TGFBR3: variants seen among roughly 807,000 people sequenced by gnomAD.
TGFBR3 encodes transforming growth factor beta receptor type 3.
TGFBR3 carries 46 observed loss-of-function variants against 87.9 expected under a neutral mutation model. The ratio of observed to expected loss-of-function variants is 0.52; its 90% CI spans 0.41 to 0.67. The LOEUF (loss-of-function observed/expected upper bound fraction) is 0.67, where lower values mean the gene tolerates loss of function less well. TGFBR3 is among the 30% of genes least tolerant of loss of function. The pLI is 0.00. For synonymous variants in TGFBR3, 381 were observed against 391.6 expected (o/e 0.97, Z 0.32); for missense variants, 866 against 1,041.9 (o/e 0.83, Z 2.32).
At chr1:91,718,000 T>C (rs556433453) in intron 10 of TGFBR3, among the ~76,000 whole-genome samples, 1 of 152,182 alleles carries the variant, frequency 6.6e-6, no homozygotes, top group East Asian at 1.9e-4. Context: ...ATTATATCTG[T>C]AGACACTGGA....
At chr1:91,754,900 C>T (rs1179414366) in intron 4 of TGFBR3, 6 of 151,920 alleles carry the variant, frequency 3.9e-5, no homozygotes, top group Admixed American at 3.9e-4. Context: ...TAAAAAAAAA[C>T]AGTTAAAAGT....
At chr1:91,891,723 C>T (rs1679455530) in intron 2 of TGFBR3, among the ~76,000 whole-genome samples, 1 of 152,138 alleles carries the variant, frequency 6.6e-6, no homozygotes, top group Admixed American at 6.6e-5. Flanking sequence ...TGACAGGATG[C>T]TGATCTACAA....
At chr1:91,758,587 A>G in intron 4 of TGFBR3, 26 bp downstream of exon 4, 1 of 1,613,672 alleles carries the variant, frequency 6.2e-7, no homozygotes, top group Non-Finnish European at 8.5e-7. Context: ...GCTAAGGATC[A>G]GTTTGGGGGA....
chr1:91,698,237 T>A, intron 14 of TGFBR3, 107 bp from the exon 15 acceptor site: 1 of 945,394 alleles, frequency 1.1e-6, no homozygotes, highest in Non-Finnish European at 1.7e-6. Context: ...TGGTAATAAA[T>A]ACTGTGAGAA....
At chr1:91,693,772 C>T (rs536352072) in intron 16 of TGFBR3, among the ~76,000 whole-genome samples, 1 of 152,334 alleles carries the variant, frequency 6.6e-6, no homozygotes, top group Admixed American at 6.5e-5. Context: ...ACAGCCAACA[C>T]AGGCTGCCAA....
chr1:91,693,422 C>T (rs1376403644), intron 16 of TGFBR3, among the ~76,000 whole-genome samples: 2 of 152,204 alleles, frequency 1.3e-5, no homozygotes, highest in East Asian at 3.8e-4. Flanking sequence ...TTGAAAGGCC[C>T]TCCTGAAGTC....
At chr1:91,885,626 G>C (rs1176639952) in intron 1 of TGFBR3, among the ~76,000 whole-genome samples, 1 of 152,202 alleles carries the variant, frequency 6.6e-6, no homozygotes, top group East Asian at 1.9e-4. Context: ...CCAGCACTGC[G>C]CATCGCCGGG....
chr1:91,817,045 T>C (rs1676258769), intron 2 of TGFBR3, among the ~76,000 whole-genome samples: 1 of 152,172 alleles, frequency 6.6e-6, no homozygotes, highest in African/African-American at 2.4e-5. Context: ...ATTACTGGCA[T>C]AGCTAAGAAT....
chr1:91,896,039 C>G (rs957162928), intron 2 of TGFBR3, among the ~76,000 whole-genome samples: 1 of 152,154 alleles, frequency 6.6e-6, no homozygotes, highest in Admixed American at 6.5e-5. Flanking sequence ...GTTCTGGTTT[C>G]CTTGCTTCCT....
intron 2 of TGFBR3, among the ~76,000 whole-genome samples, chr1:91,826,691 A>C (rs1041207742): frequency 4.0e-5 from 6 of 151,072 alleles, no homozygotes; most frequent in Admixed American, 6.6e-5. Flanking sequence ...CAGACAAAAC[A>C]ACCTAAGTAT....
intron 16 of TGFBR3, among the ~76,000 whole-genome samples, chr1:91,693,225 T>C (rs1671324343): frequency 6.6e-6 from 1 of 152,220 alleles, no homozygotes; most frequent in Non-Finnish European, 1.5e-5. Flanking sequence ...CAGTTTTTAA[T>C]AAAAAGTAAT....
chr1:91,719,746 G>C lies in TGFBR3; in HGVS notation c.1413+147C>G. The C allele has an allele frequency of 6.4e-6, 6 of 941,904 alleles. No homozygotes were observed. The South Asian group carries it at 8.5e-5, about 13-fold the overall frequency. 58.3% of individuals were successfully genotyped at this position (941,904 alleles called of 1,614,324 possible). A position where few individuals can be genotyped will look rare whatever the true frequency, so the allele number is the denominator to read the frequency against. ...GGAACCAGGTGAGAATCACAGCCAA[G>C]GGGAAGTAGGCCCATCCAACTGAGA... On this transcript the variant is annotated intron_variant, in intron 9 of 16. Transcript: ENST00000212355.
At position 91,720,033 on chromosome 1, in the gene TGFBR3, T is replaced by C. The variant is rs958832058; in HGVS notation, c.1273A>G (p.Lys425Glu). The part of the protein sequence containing the change: ...EEGEDGLPRP[K>E]DPVIPSIQLF... ...TGTATGCTGGGAATGACAGGGTCCTTTGGCCGAGGGAGCCCATCTTCTCCC... is the reference window on the plus strand; with the variant it reads ...TGTATGCTGGGAATGACAGGGTCCTCTGGCCGAGGGAGCCCATCTTCTCCC... Residue 425 changes from lysine to glutamate, a missense_variant, in exon 9 of 17, where the codon AAG becomes GAG. Transcript: ENST00000212355. The C allele has an allele frequency of 2.5e-6, 4 of 1,614,060 alleles. No homozygotes were observed. The highest frequency in any genetic ancestry group is 3.4e-6 in the Non-Finnish European group (4 of 1,180,026).
chr1:91,716,845 C>A, intron 10 of TGFBR3, 137 bp from the exon 11 acceptor site: 1 of 1,110,364 alleles, frequency 9.0e-7, no homozygotes, highest in Non-Finnish European at 1.4e-6. Flanking sequence ...AATAAAATAA[C>A]ATCCAGGCTT....
intron 2 of TGFBR3, among the ~76,000 whole-genome samples, chr1:91,847,302 T>C (rs1323325273): frequency 1.3e-5 from 2 of 152,020 alleles, no homozygotes; most frequent in African/African-American, 2.4e-5. Context: ...GACTGGAGTG[T>C]GATTATAAGA....
At chr1:91,684,789 T>TA (rs1671035724) in intron 16 of TGFBR3, among the ~76,000 whole-genome samples, 2 of 152,074 alleles carry the variant, frequency 1.3e-5, no homozygotes, top group African/African-American at 4.8e-5. Context: ...GGCTCTCCAA[T>TA]AAAAAACACT....
chr1:91,848,525 T>C (rs768493931), intron 2 of TGFBR3, among the ~76,000 whole-genome samples: 10 of 152,222 alleles, frequency 6.6e-5, no homozygotes, highest in Non-Finnish European at 1.3e-4. Context: ...AATATCCTTA[T>C]TATAAAATAT....
At chr1:91,684,766 G>A (rs897896512) in intron 16 of TGFBR3, among the ~76,000 whole-genome samples, 1 of 152,180 alleles carries the variant, frequency 6.6e-6, no homozygotes, top group Non-Finnish European at 1.5e-5. Context: ...TCTAGGTAGG[G>A]AAAAGCGATC....
intron 1 of TGFBR3, among the ~76,000 whole-genome samples, chr1:91,874,158 T>C (rs1678695150): frequency 6.6e-6 from 1 of 152,058 alleles, no homozygotes; most frequent in Non-Finnish European, 1.5e-5. Context: ...AGACCAATGC[T>C]AAGAAAACAA....
Sources: allele counts gnomAD v4.1 joint callset (sites outside exome capture counted in the v4.1 genomes callset), GRCh38; gene constraint gnomAD v4.1.1; transcripts MANE v1.5; gene names NCBI Gene and HGNC (gene_info 2026-07-23, HGNC 2026-07-21).